The following CDC25C variants were observed in gnomAD, a reference collection of about 807,000 sequenced individuals.
The protein encoded by CDC25C is cell division cycle 25C.
Under a neutral mutation model 52.5 loss-of-function variants are expected in CDC25C, and 48 were observed. The observed-to-expected ratio is 0.91, with a 90% CI of 0.72 to 1.16. CDC25C has a LOEUF of 1.16. CDC25C is among the 50% of genes most tolerant of loss of function. The pLI is 0.00. For missense variants in CDC25C, 510 were observed against 566.1 expected, an observed-to-expected ratio of 0.90 and a Z score of 1.01; for synonymous variants, 187 against 206.5, an observed-to-expected ratio of 0.91 and a Z score of 0.81.
At chr5:138,291,345 A>G (rs1561670475) in intron 8 of CDC25C, among the ~76,000 whole-genome samples, 1 of 152,004 alleles carries the variant, frequency 6.6e-6, no homozygotes, top group Non-Finnish European at 1.5e-5. Context: ...TAAAATATCC[A>G]TACCAAAGTT....
rs1453070916 is a variant in CDC25C, at chr5:138,285,602, T to C, written c.*90A>G. On this transcript the variant is annotated 3_prime_UTR_variant, in exon 14 of 14. Coordinates refer to ENST00000323760, the MANE Select transcript of CDC25C (RefSeq NM_001790.5). ...TTTGCAGAGACATCTTTTAATAATC[T>C]TGGGTTTGGCCATCCAGAAGGCCTC... The C allele has an allele frequency of 8.4e-7, 1 of 1,185,366 alleles. No homozygotes were observed. The highest frequency in any genetic ancestry group is 1.2e-6 in the Non-Finnish European group (1 of 821,732). The allele number at this position is 1,185,366 out of a possible 1,614,324, so 73.4% of individuals were successfully genotyped here.
intron 4 of CDC25C, 43 bp from the exon 5 acceptor site, chr5:138,326,097 C>G: frequency 6.2e-7 from 1 of 1,606,776 alleles, no homozygotes; most frequent in Non-Finnish European, 8.5e-7. Context: ...GTCCCAAATA[C>G]TGTTTGATTA....
At chr5:138,328,569 T>C (rs751695057) in intron 3 of CDC25C, 40 bp from the exon 4 acceptor site, 46 of 1,518,616 alleles carry the variant, frequency 3.0e-5, no homozygotes, top group Non-Finnish European at 4.1e-5. Flanking sequence ...GGAGTTATTC[T>C]TGTCCATGCA....
upstream of CDC25C, chr5:138,335,006 T>G (rs78829573): frequency 1.2e-4 from 18 of 152,394 alleles, no homozygotes; most frequent in East Asian, 3.5e-3. Flanking sequence ...AATCCCTATC[T>G]AGGCTCCTGA....
intron 7 of CDC25C, among the ~76,000 whole-genome samples, chr5:138,305,364 T>C (rs575016441): frequency 5.3e-5 from 8 of 152,336 alleles, no homozygotes; most frequent in African/African-American, 1.9e-4. Context: ...CCTCATTTTG[T>C]TTCCATCATT....
At chr5:138,318,529 C>T (rs11567976) in intron 7 of CDC25C, among the ~76,000 whole-genome samples, 67,510 of 151,690 alleles carry the variant, frequency 0.45, 16,520 homozygotes, top group South Asian at 0.68. Context: ...GCCTGGCCAA[C>T]ATGGTGAAAC....
intron 7 of CDC25C, among the ~76,000 whole-genome samples, chr5:138,292,480 C>CAAAAAAAAAA (rs70982703): frequency 4.7e-5 from 3 of 63,526 alleles, no homozygotes; most frequent in Non-Finnish European, 8.4e-5. Flanking sequence ...GTTATGTGAC[C>CAAAAAAAAAA]AAAAAAAAAA....
chr5:138,317,702 A>AAAAAAACC lies in CDC25C; in HGVS notation c.615+1516_615+1517insGGTTTTTT, dbSNP rs1759001313. Among the ~76,000 whole-genome samples the AAAAAAACC allele has an allele frequency of 3.6e-5, 5 of 140,078 alleles. No individual in the cohort carries two copies. In the East Asian group the frequency reaches 5.8e-4, roughly 16 times the overall value. The allele number at this position is 140,078 out of a possible 152,430, so 91.9% of individuals were successfully genotyped here. On this transcript the variant is annotated intron_variant, in intron 7 of 13. Coordinates refer to ENST00000323760, the MANE Select transcript of CDC25C (RefSeq NM_001790.5). ...CTATCTAAAAAAAAAAAAAAAAAAA[A>AAAAAAACC]AAAAACCAAAAACCAAAAACCAAAA...
At chr5:138,317,227 C>A (rs796344563) in intron 7 of CDC25C, among the ~76,000 whole-genome samples, 2 of 151,750 alleles carry the variant, frequency 1.3e-5, no homozygotes, top group Non-Finnish European at 1.5e-5. Context: ...CAGAGCAAGA[C>A]CCTATCTAAT....
At chr5:138,337,221 A>G (rs1229837056) in intron 1 of CDC25C, 1 of 152,300 alleles carries the variant, frequency 6.6e-6, no homozygotes. Context: ...TCGAATTTAC[A>G]TAAGAGCCAG....
intron 7 of CDC25C, among the ~76,000 whole-genome samples, chr5:138,308,122 C>T (rs527860831): frequency 6.6e-6 from 1 of 152,092 alleles, no homozygotes; most frequent in Non-Finnish European, 1.5e-5. Context: ...CTGTGCGGCC[C>T]GGTTCCTAAC....
intron 7 of CDC25C, among the ~76,000 whole-genome samples, chr5:138,292,506 T>TAAG (rs1386640488): frequency 6.3e-5 from 6 of 94,714 alleles, no homozygotes; most frequent in Non-Finnish European, 1.3e-4. Context: ...AAAAAAAACA[T>TAAG]AAGTCCATTT....
chr5:138,337,616 G>C lies in CDC25C; in HGVS notation c.13+340C>G, dbSNP rs1050118751. 1.3e-5 allele frequency: 4 copies of C among 303,868 alleles called. No homozygotes were observed. The Admixed American group carries it at 1.6e-4, about 12-fold the overall frequency. The allele number at this position is 303,868 out of a possible 1,614,324, so 18.8% of individuals were successfully genotyped here. A position where few individuals can be genotyped will look rare whatever the true frequency, so the allele number is the denominator to read the frequency against. On this transcript the variant is annotated intron_variant, in intron 1 of 5. Transcript: ENST00000510119. Reference sequence around the variant, plus strand: ...TATCCTGAGCTTTACAAAGTGTTCTGGGTGAGGGCAAATTACAGAACCAAG... The same window carrying C: ...TATCCTGAGCTTTACAAAGTGTTCTCGGTGAGGGCAAATTACAGAACCAAG...
rs1760405496 is a variant in CDC25C, at chr5:138,331,763, T to A, written c.-207A>T. 1.0e-6 allele frequency: 1 copy of A among 967,516 alleles called. No homozygotes were observed. The highest frequency in any genetic ancestry group is 1.8e-5 in the African/African-American group (1 of 57,090). The allele number at this position is 967,516 out of a possible 1,614,324, so 59.9% of individuals were successfully genotyped here. A position where few individuals can be genotyped will look rare whatever the true frequency, so the allele number is the denominator to read the frequency against. On this transcript the variant is annotated 5_prime_UTR_variant, in exon 1 of 14. Transcript: ENST00000323760. ...TAGGCCAACGTCGGACTCAGAGTCT[T>A]CCCTGAGCAGAAGGCCAAAGTTACG...
At chr5:138,331,466 A>C in intron 1 of CDC25C, 129 bp downstream of exon 1, 2 of 684,244 alleles carry the variant, frequency 2.9e-6, no homozygotes, top group Non-Finnish European at 2.1e-6. Context: ...ACTAGAAAGA[A>C]CCCGGGTCTC....
chr5:138,315,107 T>C (rs1436764684), intron 7 of CDC25C, among the ~76,000 whole-genome samples: 2 of 151,680 alleles, frequency 1.3e-5, no homozygotes, highest in East Asian at 3.9e-4. Context: ...CTAATTTTTG[T>C]ATTTTTAGTA....
intron 7 of CDC25C, among the ~76,000 whole-genome samples, chr5:138,311,247 C>T (rs547863387): frequency 2.8e-4 from 42 of 152,160 alleles, no homozygotes; most frequent in Middle Eastern, 6.8e-3. Context: ...CACATTAACT[C>T]GAAATGAATC....
intron 7 of CDC25C, among the ~76,000 whole-genome samples, chr5:138,313,903 A>T (rs1040075423): frequency 1.7e-4 from 26 of 151,426 alleles, no homozygotes; most frequent in African/African-American, 5.6e-4. Flanking sequence ...TGTTGTCACC[A>T]TTTCTCCAGT....
rs1235510966 is a variant in CDC25C at position 138,290,631 on chromosome 5, A to G, written c.864+8T>C. ...ACTGAAATACAGGATGGGTGTAGCCAAACTCACCTTGGAAAAATCACCAAT... is the reference window on the plus strand; with the variant it reads ...ACTGAAATACAGGATGGGTGTAGCCGAACTCACCTTGGAAAAATCACCAAT... On this transcript the variant is annotated splice_region_variant and intron_variant, in intron 9 of 13. Transcript: ENST00000323760. 3 of 1,535,580 alleles carry G rather than the reference A, an allele frequency of 2.0e-6. No individual in the cohort carries two copies. Among genetic ancestry groups the G allele is most frequent in the Non-Finnish European group, 2.7e-6 (3 of 1,108,650 alleles).
Sources: gnomAD v4.1 joint callset for allele counts (sites outside exome capture counted in the v4.1 genomes callset) on GRCh38, gnomAD v4.1.1 for gene constraint, MANE v1.5 for transcripts, NCBI Gene and HGNC (gene_info 2026-07-23, HGNC 2026-07-21) for gene names.